The following ATP10D variants were observed in gnomAD, a reference collection of about 807,000 sequenced individuals.
The protein encoded by ATP10D is phospholipid-transporting ATPase VD.
ATP10D carries 89 observed loss-of-function variants against 144.8 expected under a neutral mutation model. The ratio of observed to expected loss-of-function variants is 0.61; its 90% CI spans 0.52 to 0.73. The LOEUF is 0.73. ATP10D is among the 30% of genes least tolerant of loss of function. The pLI is 0.00. For synonymous variants in ATP10D, 571 were observed against 615.1 expected (o/e 0.93, Z 1.06); for missense variants, 1,603 against 1,714.8 (o/e 0.93, Z 1.15).
chr4:47,551,728 G>A (rs1028653519), intron 10 of ATP10D, among the ~76,000 whole-genome samples: 1 of 152,182 alleles, frequency 6.6e-6, no homozygotes, highest in Non-Finnish European at 1.5e-5. Flanking sequence ...GTTTGAGTCT[G>A]GTTCTGAAGT....
chr4:47,574,954 C>T (rs1223313547), intron 18 of ATP10D, among the ~76,000 whole-genome samples: 2 of 152,092 alleles, frequency 1.3e-5, no homozygotes, highest in Non-Finnish European at 2.9e-5. Context: ...GCACGCGCCA[C>T]CATACTTAGC....
At chr4:47,539,109 T>A (rs1277635269) in intron 9 of ATP10D, among the ~76,000 whole-genome samples, 1 of 152,210 alleles carries the variant, frequency 6.6e-6, no homozygotes, top group Non-Finnish European at 1.5e-5. Flanking sequence ...AAACTGTGCT[T>A]CCAGTGTCTC....
intron 1 of ATP10D, among the ~76,000 whole-genome samples, chr4:47,488,016 A>C (rs945004904): frequency 6.6e-6 from 1 of 152,182 alleles, no homozygotes; most frequent in African/African-American, 2.4e-5. Flanking sequence ...ATAGCCTTTG[A>C]CTAAGTGATC....
Position 47,587,218 on chromosome 4 carries a change from AT to A in ATP10D, c.3941+16del. 1 of 1,599,782 alleles carries A rather than the reference AT, an allele frequency of 6.3e-7. No homozygotes were observed. Among genetic ancestry groups the A allele is most frequent in the South Asian group, 1.1e-5 (1 of 89,124 alleles). On this transcript the variant is annotated intron_variant, in intron 22 of 22. Coordinates refer to ENST00000273859, the MANE Select transcript of ATP10D (RefSeq NM_020453.4). ...GCTCTTCTGCCCAGGTATGGTATTTATTTTATCATTGAGAGAATAAATGGAA... is the reference window on the plus strand; with the variant it reads ...GCTCTTCTGCCCAGGTATGGTATTTATTTATCATTGAGAGAATAAATGGAA...
chr4:47,520,819 G>A (rs187101138), intron 3 of ATP10D, among the ~76,000 whole-genome samples: 4 of 151,980 alleles, frequency 2.6e-5, no homozygotes, highest in Non-Finnish European at 5.9e-5. Flanking sequence ...CGCCCCCCTC[G>A]GCCTCCCAAA....
chr4:47,485,578 C>T (rs1346401862), intron 1 of ATP10D, 59 bp downstream of exon 1: 1 of 152,132 alleles, frequency 6.6e-6, no homozygotes, highest in African/African-American at 2.4e-5. Flanking sequence ...ACCGCCCACC[C>T]GCTTTTCCTT....
intron 15 of ATP10D, among the ~76,000 whole-genome samples, chr4:47,567,647 A>G (rs1174752630): frequency 6.6e-6 from 1 of 152,246 alleles, no homozygotes; most frequent in Non-Finnish European, 1.5e-5. Context: ...AATTTTTACT[A>G]TGATGTAATG....
At chr4:47,545,161 T>C (rs1449298246) in intron 9 of ATP10D, among the ~76,000 whole-genome samples, 1 of 152,136 alleles carries the variant, frequency 6.6e-6, no homozygotes, top group Non-Finnish European at 1.5e-5. Context: ...AGAAGGAACA[T>C]CTAGTAAAGA....
At chr4:47,575,415 CCTGG>C (rs2109467895) in intron 18 of ATP10D, among the ~76,000 whole-genome samples, 1 of 152,250 alleles carries the variant, frequency 6.6e-6, no homozygotes, top group Non-Finnish European at 1.5e-5. Flanking sequence ...CACCAACTAT[CCTGG>C]TTTTCCTGAG....
chr4:47,554,806 G>C lies in ATP10D; in HGVS notation c.1716G>C (p.Glu572Asp). 1 of 1,614,020 alleles carries C rather than the reference G, an allele frequency of 6.2e-7. No homozygotes were observed. Among genetic ancestry groups the C allele is most frequent in the Non-Finnish European group, 8.5e-7 (1 of 1,179,932 alleles). The change falls in exon 11 of 23, where the codon GAG becomes GAC. Residue 572 changes from glutamate to aspartate, a missense_variant. By Grantham distance (45) the Glu-to-Asp change is conservative. Coordinates refer to ENST00000273859, the MANE Select transcript of ATP10D (RefSeq NM_020453.4). ...ITPRLFMPLD[E>D]TIQNPPMETL... ...CTCGGCTCTTTATGCCACTAGATGA[G>C]ACCATCCAAAATCCACCAATGGAAA...
chr4:47,493,660 C>A (rs1715205738), intron 1 of ATP10D, among the ~76,000 whole-genome samples: 1 of 152,212 alleles, frequency 6.6e-6, no homozygotes, highest in South Asian at 2.1e-4. Context: ...TAGATTTGAG[C>A]TGCCTAGGTC....
intron 5 of ATP10D, among the ~76,000 whole-genome samples, chr4:47,530,160 C>A (rs148102050): frequency 2.1e-3 from 325 of 152,158 alleles, no homozygotes; most frequent in Middle Eastern, 6.8e-3. Flanking sequence ...CCTGATTGCT[C>A]TGGTTGGGAC....
chr4:47,543,677 G>A (rs940273139), intron 9 of ATP10D, among the ~76,000 whole-genome samples: 3 of 152,092 alleles, frequency 2.0e-5, no homozygotes, highest in Non-Finnish European at 4.4e-5. Context: ...GACCTAAATC[G>A]AATTTCCAGC....
At chr4:47,513,761 A>T (rs1445165039) in intron 2 of ATP10D, among the ~76,000 whole-genome samples, 1 of 152,220 alleles carries the variant, frequency 6.6e-6, no homozygotes, top group Non-Finnish European at 1.5e-5. Context: ...CAGGATAAAG[A>T]GTTGAGGGCC....
chr4:47,585,207 C>G (rs1482466831), intron 21 of ATP10D, among the ~76,000 whole-genome samples: 1 of 151,994 alleles, frequency 6.6e-6, no homozygotes, highest in Non-Finnish European at 1.5e-5. Context: ...ATTAATCAAA[C>G]CCTAGACTCA....
At chr4:47,554,044 C>T (rs375538506) in intron 10 of ATP10D, among the ~76,000 whole-genome samples, 1 of 152,188 alleles carries the variant, frequency 6.6e-6, no homozygotes, top group African/African-American at 2.4e-5. Flanking sequence ...TGTCAAAACT[C>T]GTACTCTCAC....
intron 1 of ATP10D, among the ~76,000 whole-genome samples, chr4:47,498,314 C>G (rs1190056194): frequency 6.6e-6 from 1 of 152,162 alleles, no homozygotes; most frequent in Non-Finnish European, 1.5e-5. Context: ...AAGGATTGTC[C>G]TGTGTATTGC....
At chr4:47,489,680 T>A (rs915931433) in intron 1 of ATP10D, among the ~76,000 whole-genome samples, 4 of 152,172 alleles carry the variant, frequency 2.6e-5, no homozygotes, top group Non-Finnish European at 5.9e-5. Context: ...TTATGTTAGG[T>A]ATCATTATTT....
chr4:47,545,548 AT>A (rs1362546235), intron 9 of ATP10D, among the ~76,000 whole-genome samples: 1 of 152,024 alleles, frequency 6.6e-6, no homozygotes, highest in African/African-American at 2.4e-5. Flanking sequence ...TATTTGAGAT[AT>A]TTTTTGGATG....
Sources: allele counts gnomAD v4.1 joint callset (sites outside exome capture counted in the v4.1 genomes callset), GRCh38; gene constraint gnomAD v4.1.1; transcripts MANE v1.5; gene names NCBI Gene and HGNC (gene_info 2026-07-23, HGNC 2026-07-21).